CAPN9: variants seen among roughly 807,000 people sequenced by gnomAD.
CAPN9 encodes the protein calpain 9.
In CAPN9, 81 loss-of-function variants were observed where a neutral mutation model predicts 92.8. That is an observed-to-expected ratio of 0.87 (90% CI 0.73 to 1.05). The LOEUF is 1.05. Among genes scored for constraint, CAPN9 ranks in the 50% least tolerant of loss-of-function variants. The pLI is 0.00. For synonymous variants in CAPN9, 304 were observed against 328.0 expected, an observed-to-expected ratio of 0.93 and a Z score of 0.79; for missense variants, 848 against 866.2, an observed-to-expected ratio of 0.98 and a Z score of 0.26.
At chr1:230,759,705 C>T (rs1665511807) in intron 3 of CAPN9, 75 bp downstream of exon 3, 1 of 904,014 alleles carries the variant, frequency 1.1e-6, no homozygotes, top group African/African-American at 1.7e-5. Flanking sequence ...TCCACACTGC[C>T]TGGTAACCCT....
At chr1:230,767,732 T>A (rs1323775097) in intron 5 of CAPN9, 23 bp downstream of exon 5, 1 of 1,607,314 alleles carries the variant, frequency 6.2e-7, no homozygotes, top group Non-Finnish European at 8.5e-7. Flanking sequence ...TGGGCTCCCA[T>A]TCCAGGCACT....
At chr1:230,770,257 A>C (rs1666304404) in intron 6 of CAPN9, among the ~76,000 whole-genome samples, 1 of 152,160 alleles carries the variant, frequency 6.6e-6, no homozygotes, top group Admixed American at 6.5e-5. Context: ...CCAATGGTAA[A>C]AGTCCCAGTC....
intron 1 of CAPN9, 52 bp from the exon 2 acceptor site, chr1:230,755,285 A>G (rs2102837012): frequency 7.1e-7 from 1 of 1,401,886 alleles, no homozygotes; most frequent in Non-Finnish European, 1.0e-6. Context: ...ACCCTTTCAT[A>G]GTGGCTTGCA....
chr1:230,791,419 T>C (rs1442640665), intron 14 of CAPN9, among the ~76,000 whole-genome samples: 1 of 152,126 alleles, frequency 6.6e-6, no homozygotes, highest in Non-Finnish European at 1.5e-5. Flanking sequence ...AGTATGGGAG[T>C]ACAAATTTCT....
At chr1:230,774,689 C>G in intron 8 of CAPN9, 58 bp downstream of exon 8, 2 of 1,079,486 alleles carry the variant, frequency 1.9e-6, no homozygotes, top group Admixed American at 3.4e-5. Context: ...GGCCCTGGGG[C>G]GTAAGGAGCA....
rs111652876 is a variant in CAPN9, at chr1:230,787,377, C to A, written c.1519-145C>A. 11 of 627,554 alleles carry A rather than the reference C, an allele frequency of 1.8e-5. No homozygotes were observed. The African/African-American group carries it at 2.0e-4, about 12-fold the overall frequency. The allele number at this position is 627,554 out of a possible 1,614,324, so 38.9% of individuals were successfully genotyped here. A position where few individuals can be genotyped will look rare whatever the true frequency, so the allele number is the denominator to read the frequency against. ...AGAGCCTTCATGAGAAAATGTTCCT[C>A]ACGCTACAGGACGCAGCTTGTGCAC... On this transcript the variant is annotated intron_variant, in intron 12 of 19. Transcript: ENST00000271971.
intron 4 of CAPN9, among the ~76,000 whole-genome samples, 195 bp downstream of exon 4, chr1:230,762,981 T>C (rs1558089917): frequency 6.6e-6 from 1 of 152,144 alleles, no homozygotes; most frequent in Non-Finnish European, 1.5e-5. Flanking sequence ...TGCCCATCTT[T>C]GGGAGCAGTG....
chr1:230,784,807 G>A (rs750310511), intron 11 of CAPN9, among the ~76,000 whole-genome samples: 1 of 152,256 alleles, frequency 6.6e-6, no homozygotes, highest in Non-Finnish European at 1.5e-5. Flanking sequence ...CCCCACTGGG[G>A]TACTGCCTAG....
chr1:230,759,043 C>T (rs1665439040), intron 2 of CAPN9, among the ~76,000 whole-genome samples: 1 of 152,176 alleles, frequency 6.6e-6, no homozygotes, highest in Admixed American at 6.5e-5. Flanking sequence ...CAAATGGAGC[C>T]ACCACGGAGA....
intron 3 of CAPN9, among the ~76,000 whole-genome samples, chr1:230,762,055 A>G (rs1444243688): frequency 6.6e-6 from 1 of 152,242 alleles, no homozygotes; most frequent in African/African-American, 2.4e-5. Flanking sequence ...GCACATGTAT[A>G]CACATGTGTG....
Position 230,792,439 on chromosome 1 carries a change from G to A in CAPN9, c.1736G>A (p.Gly579Glu), listed in dbSNP as rs776577857. ...CACATGGCACAGACCAGCGGCAATG[G>A]GAAGCTGGAGTTTGATGAATTCAAA... Reference protein sequence around the residue: ...IISLMDTSGNGKLEFDEFKVF... With the variant: ...IISLMDTSGNEKLEFDEFKVF... The change falls in exon 16 of 20, where the codon GGG becomes GAG. Residue 579 changes from glycine (G) to glutamate (E), a missense_variant. Transcript: ENST00000271971. 6.2e-7 allele frequency: 1 copy of A among 1,613,990 alleles called. No individual in the cohort carries two copies.
At chr1:230,792,954 G>A (rs777544192) in intron 17 of CAPN9, 26 bp downstream of exon 17, 82 of 1,567,102 alleles carry the variant, frequency 5.2e-5, no homozygotes, top group Non-Finnish European at 6.9e-5. Context: ...GAGTACAGGT[G>A]GCTGACTGCA....
chr1:230,764,796 G>A (rs1211583374), intron 4 of CAPN9, among the ~76,000 whole-genome samples: 1 of 152,234 alleles, frequency 6.6e-6, no homozygotes, highest in African/African-American at 2.4e-5. Flanking sequence ...TTACAGATAG[G>A]CAAGGGGAGG....
intron 1 of CAPN9, among the ~76,000 whole-genome samples, chr1:230,751,492 GAGGA>G (rs1279034761): frequency 2.0e-5 from 3 of 149,732 alleles, no homozygotes; most frequent in African/African-American, 2.5e-5. Context: ...GGGAGGAAGG[GAGGA>G]AGGAAGGAAA....
At chr1:230,777,978 C>T (rs1427232985) in intron 8 of CAPN9, among the ~76,000 whole-genome samples, 3 of 152,162 alleles carry the variant, frequency 2.0e-5, no homozygotes, top group Non-Finnish European at 4.4e-5. Flanking sequence ...TACACTAATT[C>T]TCAGGTTTCT....
At position 230,792,890 on chromosome 1, in the gene CAPN9, T is replaced by G; in HGVS notation, c.1832T>G (p.Met611Arg). Residue 611 changes from methionine (M) to arginine (R), a missense_variant, in exon 17 of 20, where the codon ATG (methionine) becomes AGG (arginine). Transcript: ENST00000271971. ...LRFDADKSGTMSTYELRTALK... is the reference protein window; with the variant it reads ...LRFDADKSGTRSTYELRTALK... ...TTTGATGCTGACAAGTCCGGCACCATGTCTACCTATGAACTACGGACTGCA... is the reference window on the plus strand; with the variant it reads ...TTTGATGCTGACAAGTCCGGCACCAGGTCTACCTATGAACTACGGACTGCA... 1 of 1,614,128 alleles carries G rather than the reference T, an allele frequency of 6.2e-7. No homozygotes were observed.
Position 230,798,282 on chromosome 1 carries a change from C to T in CAPN9, c.2046+62C>T, listed in dbSNP as rs1668475745. The T allele has an allele frequency of 6.4e-6, 7 of 1,091,622 alleles. No individual in the cohort carries two copies. The East Asian group carries it at 1.7e-4, about 26-fold the overall frequency. The allele number at this position is 1,091,622 out of a possible 1,614,324, so 67.6% of individuals were successfully genotyped here. ...CTGGGGCCCAGCAGAGTCCACGCTGCATAGATGTTTGCCGAATGCTTGATT... is the reference window on the plus strand; with the variant it reads ...CTGGGGCCCAGCAGAGTCCACGCTGTATAGATGTTTGCCGAATGCTTGATT... On this transcript the variant is annotated intron_variant, in intron 19 of 19. Transcript: ENST00000271971.
chr1:230,800,256 A>G (rs201852625), intron 19 of CAPN9, among the ~76,000 whole-genome samples: 2 of 128,896 alleles, frequency 1.6e-5, no homozygotes, highest in East Asian at 2.1e-4. Context: ...GAAAGAAAGA[A>G]AGAAAGAAAG....
chr1:230,778,983 A>C lies in CAPN9; in HGVS notation c.964A>C (p.Lys322Gln), dbSNP rs1933631. 0.32 allele frequency: 520,904 copies of C among 1,610,974 alleles called. 87,888 individuals carry two copies. The highest frequency in any genetic ancestry group is 0.49 in the South Asian group (44,347 of 90,864). The part of the protein sequence containing the change: ...LDDGEFWMAF[K>Q]DFKAHFDKVE... Reference sequence around the variant, plus strand: ...TCCGCTTTGCTGCAGGATGGCATTTAAGGACTTCAAGGCCCACTTTGATAA... The same window carrying C: ...TCCGCTTTGCTGCAGGATGGCATTTCAGGACTTCAAGGCCCACTTTGATAA... The change falls in exon 9 of 20, where the codon AAG (lysine) becomes CAG (glutamine). Residue 322 changes from lysine to glutamine, a missense_variant. Transcript: ENST00000271971.
Sources: allele counts gnomAD v4.1 joint callset (sites outside exome capture counted in the v4.1 genomes callset), GRCh38; gene constraint gnomAD v4.1.1; transcripts MANE v1.5; gene names NCBI Gene and HGNC (gene_info 2026-07-23, HGNC 2026-07-21).